Variants in ZNF596 observed in about 807,000 individuals in gnomAD.
ZNF596 encodes zinc finger protein 596.
A neutral mutation model predicts 48.3 loss-of-function variants in ZNF596; 45 were observed. The ratio of observed to expected loss-of-function variants is 0.93; its 90% CI spans 0.73 to 1.19. The LOEUF is 1.19. Ranked by LOEUF, ZNF596 falls within the 50% of genes most tolerant of loss-of-function variation. The pLI is 0.00. For missense variants in ZNF596, 848 were observed against 599.7 expected (o/e 1.41, Z -4.32); for synonymous variants, 270 against 202.0 (o/e 1.34, Z -2.85).
chr8:245,757 G>A lies in ZNF596; in HGVS notation c.910G>A (p.Asp304Asn), dbSNP rs755437190. 1 of 1,614,124 alleles carries A rather than the reference G, an allele frequency of 6.2e-7. No homozygotes were observed. Among genetic ancestry groups the A allele is most frequent in the Non-Finnish European group, 8.5e-7 (1 of 1,180,022 alleles). The part of the protein sequence containing the change: ...LRKHERTHLG[D>N]KPYGCLLCGK... ...AAAACATGAGAGAACTCACTTAGGAGATAAACCATATGGATGTCTCCTATG... is the reference window on the plus strand; with the variant it reads ...AAAACATGAGAGAACTCACTTAGGAAATAAACCATATGGATGTCTCCTATG... Residue 304 changes from aspartate (D) to asparagine (N), a missense_variant, in exon 6 of 6, where the codon GAT becomes AAT. Transcript: ENST00000398612.
intron 1 of ZNF596, among the ~76,000 whole-genome samples, chr8:238,382 T>C (rs1442099637): frequency 6.6e-6 from 1 of 151,784 alleles, no homozygotes; most frequent in African/African-American, 2.4e-5. Flanking sequence ...TAAGGAAAAA[T>C]ACAGGGCATC....
At chr8:244,729 C>T (rs1303049680) in intron 5 of ZNF596, 28 bp downstream of exon 5, 2 of 1,576,418 alleles carry the variant, frequency 1.3e-6, no homozygotes, top group South Asian at 1.1e-5. Context: ...AAACCCTGTT[C>T]TTACATATAG....
chr8:243,032 A>T lies in ZNF596; in HGVS notation c.139+19A>T. ...TCTATTGGTGAGTCTCTTTATATTTATTATGTATGTATATACGGATTCATT... is the reference window on the plus strand; with the variant it reads ...TCTATTGGTGAGTCTCTTTATATTTTTTATGTATGTATATACGGATTCATT... On this transcript the variant is annotated intron_variant, in intron 3 of 5. Coordinates refer to ENST00000398612, the MANE Select transcript of ZNF596 (RefSeq NM_001042416.3). 1 of 1,600,868 alleles carries T rather than the reference A, an allele frequency of 6.2e-7. No homozygotes were observed. Among genetic ancestry groups the T allele is most frequent in the African/African-American group, 1.3e-5 (1 of 74,756 alleles).
At chr8:234,050 C>T (rs1796530408) in intron 1 of ZNF596, among the ~76,000 whole-genome samples, 1 of 152,092 alleles carries the variant, frequency 6.6e-6, no homozygotes, top group African/African-American at 2.4e-5. Context: ...AAAGTAAGCA[C>T]ACAACAAAGG....
chr8:245,222 A>T lies in ZNF596; in HGVS notation c.375A>T (p.Ala125=), dbSNP rs1156874075. The T allele has an allele frequency of 7.4e-6, 12 of 1,613,778 alleles. No individual in the cohort carries two copies. The highest frequency in any genetic ancestry group is 6.7e-5 in the Admixed American group (4 of 59,996). Residue 125 remains alanine, a synonymous_variant, in exon 6 of 6, where the codon GCA becomes GCT. Coordinates refer to ENST00000398612, the MANE Select transcript of ZNF596 (RefSeq NM_001042416.3). The part of the protein sequence containing the change: ...DLGEDFTQHI[A]LTQNVITYMR... ...GAGAAGATTTCACTCAACATATAGC[A>T]TTGACTCAAAATGTGATTACCTACA...
chr8:246,500 G>A lies in ZNF596; in HGVS notation c.*138G>A. On this transcript the variant is annotated 3_prime_UTR_variant, in exon 6 of 6. Transcript: ENST00000398612. ...AACCTAAATGAATTCAAGGTAGAGA[G>A]AATCCAGATGTATTTAATGTTTATG... 1 of 1,096,118 alleles carries A rather than the reference G, an allele frequency of 9.1e-7. No homozygotes were observed. The highest frequency in any genetic ancestry group is 1.3e-6 in the Non-Finnish European group (1 of 785,822). The allele number at this position is 1,096,118 out of a possible 1,614,324, so 67.9% of individuals were successfully genotyped here.
intron 4 of ZNF596, 173 bp from the exon 5 acceptor site, chr8:244,446 G>C (rs1463853983): frequency 1.7e-6 from 1 of 581,966 alleles, no homozygotes; most frequent in Non-Finnish European, 3.0e-6. Context: ...TTTATATGCT[G>C]AAAATGTCAG....
intron 1 of ZNF596, chr8:234,818 A>G (rs1796557808): frequency 6.6e-6 from 1 of 152,190 alleles, no homozygotes; most frequent in Non-Finnish European, 1.5e-5. Context: ...CCAGACATAG[A>G]TTATAGATGG....
chr8:240,793 T>G, intron 1 of ZNF596, 31 bp from the exon 2 acceptor site: 4 of 1,471,956 alleles, frequency 2.7e-6, no homozygotes, highest in Non-Finnish European at 3.8e-6. Flanking sequence ...AGTGTCATGG[T>G]TTTTTTGTTT....
Position 240,393 on chromosome 8 carries a change from A to T in ZNF596, c.-72-431A>T, listed in dbSNP as rs368959753. The T allele has an allele frequency of 1.6e-4, 26 of 167,432 alleles. No homozygotes were observed. In the South Asian group the frequency reaches 4.0e-3, roughly 26 times the overall value. The allele number at this position is 167,432 out of a possible 1,614,324, so 10.4% of individuals were successfully genotyped here. A position where few individuals can be genotyped will look rare whatever the true frequency, so the allele number is the denominator to read the frequency against. On this transcript the variant is annotated intron_variant, in intron 1 of 5. Transcript: ENST00000398612. ...TGTATCCAGAGGACCAGCAGAAGGG[A>T]GAAGGAATGGAGGGAGGCTCCTGAG...
Position 233,101 on chromosome 8 carries a change from C to T in ZNF596, c.-73+407C>T, listed in dbSNP as rs1286691302. ...AGAGGAGGGAGGTAGAGCCAACGAG[C>T]GAGAAAAGGGGAGGGAAGTTTAGAT... On this transcript the variant is annotated intron_variant, in intron 1 of 5. Transcript: ENST00000398612. The T allele has an allele frequency of 1.7e-5, 8 of 467,872 alleles. 2 individuals carry two copies. The highest frequency in any genetic ancestry group is 1.7e-4 in the African/African-American group (8 of 47,194). The allele number at this position is 467,872 out of a possible 1,614,324, so 29.0% of individuals were successfully genotyped here.
intron 3 of ZNF596, 95 bp from the exon 4 acceptor site, chr8:243,627 A>G: frequency 3.3e-6 from 4 of 1,223,428 alleles, no homozygotes; most frequent in Non-Finnish European, 4.7e-6. Context: ...TTCAGTGGCT[A>G]ACTTATCCTT....
chr8:238,248 C>T, intron 1 of ZNF596, among the ~76,000 whole-genome samples: 1 of 152,168 alleles, frequency 6.6e-6, no homozygotes, highest in African/African-American at 2.4e-5. Context: ...CCCCATGGTT[C>T]TGTGAGACTG....
At chr8:243,049 G>T in intron 3 of ZNF596, 36 bp downstream of exon 3, 2 of 1,550,110 alleles carry the variant, frequency 1.3e-6, no homozygotes, top group Non-Finnish European at 1.8e-6. Context: ...ATGTATATAC[G>T]GATTCATTCA....
chr8:235,598 A>G (rs1334651240), intron 1 of ZNF596, among the ~76,000 whole-genome samples: 5 of 152,244 alleles, frequency 3.3e-5, no homozygotes, highest in African/African-American at 1.2e-4. Flanking sequence ...GAATTTTTCT[A>G]TGAAACTCAT....
chr8:241,603 A>T (rs1039233754), intron 2 of ZNF596, among the ~76,000 whole-genome samples: 1 of 152,200 alleles, frequency 6.6e-6, no homozygotes, highest in Non-Finnish European at 1.5e-5. Context: ...GTGATGGAGT[A>T]TAGGAAACAG....
chr8:244,599 T>TG lies in ZNF596; in HGVS notation c.224-20_224-19insG. ...TCCCCTAATGCCTATATAGCATCTTTTTTTTTTCATTTATTTCAGGTAGAG... is the reference window on the plus strand; with the variant it reads ...TCCCCTAATGCCTATATAGCATCTTTGTTTTTTTCATTTATTTCAGGTAGAG... On this transcript the variant is annotated intron_variant, in intron 4 of 5. Transcript: ENST00000398612. 1 of 1,588,168 alleles carries TG rather than the reference T, an allele frequency of 6.3e-7. No individual in the cohort carries two copies. Among genetic ancestry groups the TG allele is most frequent in the Non-Finnish European group, 8.6e-7 (1 of 1,159,292 alleles).
At chr8:238,313 G>A (rs1281304004) in intron 1 of ZNF596, among the ~76,000 whole-genome samples, 1 of 151,972 alleles carries the variant, frequency 6.6e-6, no homozygotes, top group Non-Finnish European at 1.5e-5. Flanking sequence ...TGAGACTAGT[G>A]GAGGAAAGGA....
chr8:241,446 G>A (rs1796851024), intron 2 of ZNF596, among the ~76,000 whole-genome samples: 1 of 152,284 alleles, frequency 6.6e-6, no homozygotes, highest in Admixed American at 6.5e-5. Flanking sequence ...AAATCTTAAT[G>A]TCTTGAGAGA....
Sources: allele counts gnomAD v4.1 joint callset (sites outside exome capture counted in the v4.1 genomes callset), GRCh38; gene constraint gnomAD v4.1.1; transcripts MANE v1.5; gene names NCBI Gene and HGNC (gene_info 2026-07-23, HGNC 2026-07-21).